The following IQGAP2 variants were observed in gnomAD, a reference collection of about 807,000 sequenced individuals.
The protein encoded by IQGAP2 is ras GTPase-activating-like protein IQGAP2.
IQGAP2 carries 173 observed loss-of-function variants against 201.3 expected under a neutral mutation model. The ratio of observed to expected loss-of-function variants is 0.86; its 90% CI spans 0.76 to 0.98. The LOEUF (loss-of-function observed/expected upper bound fraction) is 0.98, where lower values mean the gene tolerates loss of function less well. Ranked by LOEUF, IQGAP2 falls within the 50% of genes least tolerant of loss-of-function variation. The pLI is 0.00. For synonymous variants in IQGAP2, 675 were observed against 673.9 expected, an observed-to-expected ratio of 1.00 and a Z score of -0.03; for missense variants, 1,687 against 1,864.8, an observed-to-expected ratio of 0.90 and a Z score of 1.76.
intron 2 of IQGAP2, among the ~76,000 whole-genome samples, chr5:76,503,266 C>T (rs1168303207): frequency 1.1e-4 from 17 of 150,012 alleles, no homozygotes; most frequent in Non-Finnish European, 1.9e-4. Flanking sequence ...CTCCCCCTCC[C>T]GGGTTCAAGC....
At chr5:76,610,856 T>C (rs977532045) in intron 12 of IQGAP2, among the ~76,000 whole-genome samples, 164 bp from the exon 13 acceptor site, 9 of 152,238 alleles carry the variant, frequency 5.9e-5, no homozygotes, top group African/African-American at 2.2e-4. Context: ...AATTTTATTT[T>C]CAGATTGCTT....
chr5:76,504,946 A>G (rs1757520039), intron 2 of IQGAP2, among the ~76,000 whole-genome samples: 1 of 152,056 alleles, frequency 6.6e-6, no homozygotes, highest in African/African-American at 2.4e-5. Context: ...TCCTCCCCTT[A>G]GAGGCCTTAC....
chr5:76,654,833 T>G, intron 19 of IQGAP2, 101 bp from the exon 20 acceptor site: 1 of 719,278 alleles, frequency 1.4e-6, no homozygotes, highest in Non-Finnish European at 2.5e-6. Flanking sequence ...TTCTAAGTAG[T>G]GTCAGTTCTT....
chr5:76,478,400 A>C (rs1431075393), intron 2 of IQGAP2, among the ~76,000 whole-genome samples: 1 of 152,220 alleles, frequency 6.6e-6, no homozygotes, highest in Non-Finnish European at 1.5e-5. Context: ...CTCCGCCTCA[A>C]GAAAAAAAAT....
intron 1 of IQGAP2, among the ~76,000 whole-genome samples, chr5:76,447,294 A>G (rs574871766): frequency 6.6e-6 from 1 of 152,304 alleles, no homozygotes; most frequent in Non-Finnish European, 1.5e-5. Context: ...AGAGCTCACT[A>G]AAATTCCAAT....
intron 17 of IQGAP2, among the ~76,000 whole-genome samples, chr5:76,645,900 T>C (rs2150413144): frequency 6.6e-6 from 1 of 152,212 alleles, no homozygotes; most frequent in East Asian, 1.9e-4. Context: ...TTAAATAATC[T>C]GTTACTATGA....
chr5:76,591,644 C>T (rs1746661398), intron 8 of IQGAP2, among the ~76,000 whole-genome samples: 1 of 152,200 alleles, frequency 6.6e-6, no homozygotes, highest in Admixed American at 6.5e-5. Flanking sequence ...TCCTTGCTGC[C>T]ACAGTTCTCC....
chr5:76,674,849 GA>G, intron 27 of IQGAP2, 140 bp downstream of exon 27: 1 of 648,928 alleles, frequency 1.5e-6, no homozygotes, highest in Non-Finnish European at 2.7e-6. Flanking sequence ...AGCCACTGGG[GA>G]AAGAGGAGAG....
At chr5:76,572,355 G>A (rs760059735) in intron 4 of IQGAP2, among the ~76,000 whole-genome samples, 6 of 151,506 alleles carry the variant, frequency 4.0e-5, no homozygotes, top group Admixed American at 6.6e-5. Flanking sequence ...GCACCACCAC[G>A]CCTGGCTAAT....
chr5:76,690,198 G>T (rs140881492), intron 30 of IQGAP2, among the ~76,000 whole-genome samples: 1 of 152,258 alleles, frequency 6.6e-6, no homozygotes, highest in East Asian at 1.9e-4. Context: ...GGGGTGGGAA[G>T]GGGGATGCAT....
At chr5:76,444,564 G>A (rs910075031) in intron 1 of IQGAP2, among the ~76,000 whole-genome samples, 1 of 152,208 alleles carries the variant, frequency 6.6e-6, no homozygotes, top group Admixed American at 6.5e-5. Context: ...CTCCCAAATT[G>A]CTGGGATTAC....
chr5:76,451,924 C>T (rs1008771316), intron 1 of IQGAP2, among the ~76,000 whole-genome samples: 1 of 152,126 alleles, frequency 6.6e-6, no homozygotes, highest in Non-Finnish European at 1.5e-5. Flanking sequence ...GTAATCCCAG[C>T]TACTTGGGAG....
intron 12 of IQGAP2, among the ~76,000 whole-genome samples, chr5:76,609,628 C>T (rs1048595755): frequency 5.3e-5 from 8 of 152,108 alleles, no homozygotes; most frequent in Admixed American, 2.0e-4. Flanking sequence ...CATTCTATTT[C>T]ATGGCATATC....
chr5:76,584,979 A>G (rs1173128332), intron 5 of IQGAP2, among the ~76,000 whole-genome samples: 1 of 152,276 alleles, frequency 6.6e-6, no homozygotes, highest in Non-Finnish European at 1.5e-5. Context: ...ACTTACATTT[A>G]TACACAGAAG....
At chr5:76,563,905 A>G (rs1306211377) in intron 3 of IQGAP2, among the ~76,000 whole-genome samples, 1 of 152,174 alleles carries the variant, frequency 6.6e-6, no homozygotes, top group East Asian at 1.9e-4. Context: ...AAATATGTAT[A>G]TTAAATACAG....
intron 2 of IQGAP2, among the ~76,000 whole-genome samples, chr5:76,510,981 A>G (rs948821120): frequency 6.6e-6 from 1 of 152,218 alleles, no homozygotes; most frequent in Non-Finnish European, 1.5e-5. Context: ...TGACAGTTGG[A>G]TCATGGCCTT....
intron 2 of IQGAP2, among the ~76,000 whole-genome samples, chr5:76,491,164 A>G (rs1013048791): frequency 2.0e-5 from 3 of 151,876 alleles, no homozygotes; most frequent in African/African-American, 7.3e-5. Context: ...GCTGTGTTTT[A>G]TGATGTGTTT....
chr5:76,575,554 T>C, intron 4 of IQGAP2, 139 bp from the exon 5 acceptor site: 3 of 498,368 alleles, frequency 6.0e-6, no homozygotes, highest in South Asian at 3.5e-5. Context: ...TACAGCAAGA[T>C]GAAGCAATGG....
intron 2 of IQGAP2, among the ~76,000 whole-genome samples, chr5:76,496,765 C>CTTTTCT (rs754861584): frequency 2.8e-5 from 2 of 71,982 alleles, no homozygotes; most frequent in African/African-American, 7.1e-5. Flanking sequence ...TTCTTTCTTT[C>CTTTTCT]TTTCTTTCTT....
Sources: allele counts gnomAD v4.1 joint callset (sites outside exome capture counted in the v4.1 genomes callset), GRCh38; gene constraint gnomAD v4.1.1; transcripts MANE v1.5; gene names NCBI Gene and HGNC (gene_info 2026-07-23, HGNC 2026-07-21).